PHF14: variants seen among roughly 807,000 people sequenced by gnomAD.
PHF14 encodes the protein PHD finger protein 14.
A neutral mutation model predicts 117.9 loss-of-function variants in PHF14; 55 were observed. The observed-to-expected ratio is 0.47, with a 90% confidence interval of 0.38 to 0.58. The LOEUF is 0.58. Ranked by LOEUF, PHF14 falls within the 20% of genes least tolerant of loss-of-function variation. PHF14 has a pLI of 0.00. For synonymous variants in PHF14, 409 were observed against 368.6 expected (o/e 1.11, Z -1.26); for missense variants, 978 against 1,122.2 (o/e 0.87, Z 1.84).
chr7:11,103,403 A>G, intron 16 of PHF14: 1 of 981,056 alleles, frequency 1.0e-6, no homozygotes, highest in Non-Finnish European at 1.2e-6. Context: ...TATTGACTAT[A>G]CAACCTACCA....
chr7:11,037,241 A>G, intron 10 of PHF14, 150 bp downstream of exon 10: 1 of 595,768 alleles, frequency 1.7e-6, no homozygotes, highest in Non-Finnish European at 2.9e-6. Flanking sequence ...CATTAGCTTC[A>G]TTATCATCAC....
chr7:11,015,910 G>T (rs1783518867), intron 5 of PHF14, among the ~76,000 whole-genome samples: 2 of 151,546 alleles, frequency 1.3e-5, no homozygotes, highest in Admixed American at 6.6e-5. Flanking sequence ...GGCAGTTTTG[G>T]AAAGACAGAA....
intron 16 of PHF14, among the ~76,000 whole-genome samples, chr7:11,089,505 A>G (rs1786557479): frequency 6.6e-6 from 1 of 152,194 alleles, no homozygotes; most frequent in East Asian, 1.9e-4. Context: ...TGCCTGGGCA[A>G]TAAAGTGAGA....
rs556171095 is a variant in PHF14, at chr7:11,040,858, A to G, written c.2180+83A>G. Reference sequence around the variant, plus strand: ...TTATTAGAAAGAAGATCCTGCAAATATTTGAGAATGAATTATGTCCATACC... The same window carrying G: ...TTATTAGAAAGAAGATCCTGCAAATGTTTGAGAATGAATTATGTCCATACC... On this transcript the variant is annotated intron_variant, in intron 12 of 17. Transcript: ENST00000634607. 6.3e-6 allele frequency: 4 copies of G among 631,376 alleles called. No individual in the cohort carries two copies. The South Asian group carries it at 1.2e-4, about 20-fold the overall frequency. 39.1% of individuals were successfully genotyped at this position (631,376 alleles called of 1,614,324 possible). A position where few individuals can be genotyped will look rare whatever the true frequency, so the allele number is the denominator to read the frequency against.
intron 3 of PHF14, among the ~76,000 whole-genome samples, chr7:10,990,290 T>C: frequency 6.6e-6 from 1 of 152,238 alleles, no homozygotes; most frequent in East Asian, 1.9e-4. Context: ...GCTCCTAAAG[T>C]GTAAGAATCA....
rs1158357761 is a variant in PHF14 at position 11,013,222 on chromosome 7, C to T, written c.1046-525C>T. ...TGGCACCCAGGCTGGAGTGCAGTGGCGCAATCTTGGCTCACTGCAACCTTT... is the reference window on the plus strand; with the variant it reads ...TGGCACCCAGGCTGGAGTGCAGTGGTGCAATCTTGGCTCACTGCAACCTTT... On this transcript the variant is annotated intron_variant, in intron 4 of 17. Transcript: ENST00000634607. 2.0e-5 allele frequency among the ~76,000 whole-genome samples: 3 copies of T among 152,116 alleles called. No individual in the cohort carries two copies. In the East Asian group the frequency reaches 5.8e-4, roughly 29 times the overall value.
At chr7:11,095,768 G>C (rs1786826509) in intron 16 of PHF14, among the ~76,000 whole-genome samples, 1 of 152,044 alleles carries the variant, frequency 6.6e-6, no homozygotes, top group Non-Finnish European at 1.5e-5. Flanking sequence ...GATAATCCCT[G>C]CATGATGTAA....
intron 16 of PHF14, among the ~76,000 whole-genome samples, chr7:11,071,492 A>G (rs1431981264): frequency 1.3e-5 from 2 of 152,190 alleles, no homozygotes; most frequent in Non-Finnish European, 2.9e-5. Context: ...TAAATAGCAG[A>G]TATTTCCTTT....
chr7:10,981,110 T>G (rs1168020194), intron 2 of PHF14, among the ~76,000 whole-genome samples: 1 of 152,204 alleles, frequency 6.6e-6, no homozygotes, highest in Non-Finnish European at 1.5e-5. Context: ...ATGTGACTTG[T>G]GGGGTTCACT....
chr7:11,123,550 G>A (rs1049705553), intron 17 of PHF14, among the ~76,000 whole-genome samples: 1 of 152,140 alleles, frequency 6.6e-6, no homozygotes, highest in Non-Finnish European at 1.5e-5. Context: ...GGGAGGCCGA[G>A]ACAGGCAGAT....
intron 17 of PHF14, among the ~76,000 whole-genome samples, chr7:11,154,417 C>T (rs899826173): frequency 6.6e-6 from 1 of 152,066 alleles, no homozygotes; most frequent in Non-Finnish European, 1.5e-5. Flanking sequence ...GATAAAAATG[C>T]TTTGTATTTG....
chr7:10,987,415 A>C, intron 3 of PHF14, among the ~76,000 whole-genome samples: 1 of 151,462 alleles, frequency 6.6e-6, no homozygotes, highest in South Asian at 2.1e-4. Context: ...ATTTACAGTC[A>C]TATGTGGAAT....
At chr7:11,163,559 G>T (rs116354168) in intron 17 of PHF14, among the ~76,000 whole-genome samples, 2 of 152,196 alleles carry the variant, frequency 1.3e-5, no homozygotes, top group East Asian at 3.9e-4. Context: ...CACACATTTC[G>T]CACTTTACTT....
intron 16 of PHF14, among the ~76,000 whole-genome samples, chr7:11,064,269 A>T (rs897663141): frequency 2.0e-5 from 3 of 151,888 alleles, no homozygotes; most frequent in African/African-American, 7.2e-5. Context: ...CTGGCATCTC[A>T]TATTTTGGAA....
intron 17 of PHF14, among the ~76,000 whole-genome samples, chr7:11,160,320 T>C (rs1164480585): frequency 6.6e-6 from 1 of 152,214 alleles, no homozygotes; most frequent in Non-Finnish European, 1.5e-5. Flanking sequence ...GGCACCTAGG[T>C]TGATTACATG....
intron 13 of PHF14, among the ~76,000 whole-genome samples, chr7:11,049,450 G>A (rs1297741104): frequency 2.0e-5 from 3 of 147,962 alleles, no homozygotes; most frequent in African/African-American, 7.6e-5. Flanking sequence ...ACTCCAGCCT[G>A]GGCGACTTAG....
At chr7:11,015,850 C>G (rs1322113474) in intron 5 of PHF14, among the ~76,000 whole-genome samples, 2 of 142,116 alleles carry the variant, frequency 1.4e-5, no homozygotes, top group Non-Finnish European at 3.0e-5. Flanking sequence ...GGTAACTCTT[C>G]CAGTCCTGAG....
chr7:11,139,828 A>AT (rs1405318143), intron 17 of PHF14, among the ~76,000 whole-genome samples: 5 of 152,136 alleles, frequency 3.3e-5, no homozygotes, highest in Non-Finnish European at 7.4e-5. Flanking sequence ...ATTGAGTAAA[A>AT]TTTTCCATAG....
intron 16 of PHF14, among the ~76,000 whole-genome samples, chr7:11,065,783 A>T (rs929488904): frequency 6.6e-6 from 1 of 152,126 alleles, no homozygotes; most frequent in Non-Finnish European, 1.5e-5. Context: ...CTAAACCTCA[A>T]ATTTTATCTT....
Sources: allele counts gnomAD v4.1 joint callset (sites outside exome capture counted in the v4.1 genomes callset), GRCh38; gene constraint gnomAD v4.1.1; transcripts MANE v1.5; gene names NCBI Gene and HGNC (gene_info 2026-07-23, HGNC 2026-07-21).